NEB: variants seen among roughly 807,000 people sequenced by gnomAD.
NEB encodes nemaline myopathy type 2.
NEB carries 512 observed loss-of-function variants against 952.2 expected under a neutral mutation model. The ratio of observed to expected loss-of-function variants is 0.54; its 90% confidence interval spans 0.50 to 0.58. The LOEUF (loss-of-function observed/expected upper bound fraction) is 0.58. Ranked by LOEUF, NEB falls within the 20% of genes least tolerant of loss-of-function variation. The pLI is 0.00. For synonymous variants in NEB, 2,900 were observed against 3,149.8 expected, an observed-to-expected ratio of 0.92 and a Z score of 2.66; for missense variants, 8,428 against 9,231.1, an observed-to-expected ratio of 0.91 and a Z score of 3.56.
intron 54 of NEB, 44 bp from the exon 55 acceptor site, chr2:151,646,278 G>A (rs777321379): frequency 1.5e-6 from 2 of 1,371,028 alleles, no homozygotes; most frequent in Non-Finnish European, 2.0e-6. Context: ...TGTTAGATTA[G>A]TGAATGATAC....
At chr2:151,608,953 T>C (rs1280439159) in intron 81 of NEB, among the ~76,000 whole-genome samples, 1 of 97,810 alleles carries the variant, frequency 1.0e-5, no homozygotes, top group African/African-American at 3.6e-5. Context: ...CAACATTTAA[T>C]GAAAAAATTG....
chr2:151,576,508 ATATATATATTTTTTTTTTTTTTTTTT>A (rs1168093937), intron 105 of NEB, among the ~76,000 whole-genome samples, 154 bp from the exon 106 acceptor site: 48 of 49,984 alleles, frequency 9.6e-4, no homozygotes, highest in East Asian at 5.6e-3. Context: ...ATATATATAT[ATATATATATTTTTTTTTTTTTTTTTT>A]TTTTTTTTTT....
rs542407202 is a variant in NEB, at chr2:151,665,950, G to A, written c.5031+140C>T. 450 of 837,286 alleles carry A rather than the reference G, an allele frequency of 5.4e-4. 3 individuals carry two copies. Among genetic ancestry groups the A allele is most frequent in the African/African-American group, 2.8e-3 (166 of 58,618 alleles). 51.9% of individuals were successfully genotyped at this position (837,286 alleles called of 1,614,324 possible). Reference sequence around the variant, plus strand: ...CAACAAAGCCACCTATAGTTCAAATGAGTGAAATCCTAAAACTCTGAGTTC... The same window carrying A: ...CAACAAAGCCACCTATAGTTCAAATAAGTGAAATCCTAAAACTCTGAGTTC... On this transcript the variant is annotated intron_variant, in intron 41 of 181. Transcript: ENST00000397345.
At chr2:151,519,972 C>A in intron 153 of NEB, 1 of 416,212 alleles carries the variant, frequency 2.4e-6, no homozygotes, top group Non-Finnish European at 4.3e-6. Context: ...AATATATGAT[C>A]ACTGGCCTTG....
chr2:151,571,791 T>C (rs2153777808), intron 107 of NEB, among the ~76,000 whole-genome samples: 1 of 152,350 alleles, frequency 6.6e-6, no homozygotes, highest in Middle Eastern at 3.4e-3. Flanking sequence ...AACATATAAT[T>C]CACAAATCAT....
chr2:151,717,106 T>A (rs1170859857), intron 10 of NEB, among the ~76,000 whole-genome samples: 2 of 152,258 alleles, frequency 1.3e-5, no homozygotes, highest in South Asian at 4.1e-4. Flanking sequence ...GTGTGGTTAT[T>A]TGGTGACTCT....
At chr2:151,574,320 T>G (rs983744412) in intron 107 of NEB, among the ~76,000 whole-genome samples, 17 of 152,234 alleles carry the variant, frequency 1.1e-4, no homozygotes, top group Non-Finnish European at 2.2e-4. Context: ...AGAATCTCAC[T>G]CACTTAGCCA....
chr2:151,713,015 A>G (rs1167994969), intron 10 of NEB, among the ~76,000 whole-genome samples: 2 of 152,052 alleles, frequency 1.3e-5, no homozygotes, highest in African/African-American at 4.8e-5. Flanking sequence ...TTAACAGAGG[A>G]ATGTATGTCA....
At chr2:151,500,829 G>A (rs2063911725) in intron 168 of NEB, among the ~76,000 whole-genome samples, 1 of 151,940 alleles carries the variant, frequency 6.6e-6, no homozygotes, top group Non-Finnish European at 1.5e-5. Context: ...GACCTCCTGG[G>A]CTCAAGTGAT....
intron 151 of NEB, among the ~76,000 whole-genome samples, chr2:151,524,958 G>A (rs1024775994): frequency 2.0e-5 from 3 of 151,892 alleles, no homozygotes; most frequent in Admixed American, 1.3e-4. Context: ...GAGCCACCAC[G>A]CCCAGCCGAG....
rs2099795533 is a variant in NEB, at chr2:151,727,755, T to C, written c.230A>G (p.Asp77Gly). The C allele has an allele frequency of 6.2e-7, 1 of 1,613,734 alleles. No homozygotes were observed. The highest frequency in any genetic ancestry group is 1.7e-5 in the Admixed American group (1 of 59,924). Residue 77 changes from aspartate to glycine, a missense_variant, in exon 5 of 182, where the codon GAT becomes GGT. Physicochemically the swap from Asp to Gly is moderately conservative, Grantham distance 94. Coordinates refer to ENST00000397345, the MANE Select transcript of NEB (RefSeq NM_001164508.2). ...ERRKVIRKKVDPSKFMTPYIA... is the reference protein window; with the variant it reads ...ERRKVIRKKVGPSKFMTPYIA... Reference sequence around the variant, plus strand: ...GTAGGGGGTCATGAACTTTGAAGGATCCACTTTCTTCCGGATGACCTTCCT... The same window carrying C: ...GTAGGGGGTCATGAACTTTGAAGGACCCACTTTCTTCCGGATGACCTTCCT...
At chr2:151,538,406 A>C (rs2093549448) in intron 138 of NEB, among the ~76,000 whole-genome samples, 162 bp from the exon 139 acceptor site, 2 of 152,196 alleles carry the variant, frequency 1.3e-5, no homozygotes, top group Non-Finnish European at 2.9e-5. Context: ...AAAGAACACT[A>C]GGGAAAACTA....
intron 32 of NEB, among the ~76,000 whole-genome samples, chr2:151,678,716 G>C (rs759686270): frequency 6.6e-6 from 1 of 152,132 alleles, no homozygotes; most frequent in Non-Finnish European, 1.5e-5. Flanking sequence ...AACAAAGTGA[G>C]GGGGACTGAG....
chr2:151,538,216 G>C lies in NEB; in HGVS notation c.20921C>G (p.Thr6974Ser). The C allele has an allele frequency of 6.2e-7, 1 of 1,612,902 alleles. No homozygotes were observed. The highest frequency in any genetic ancestry group is 8.5e-7 in the Non-Finnish European group (1 of 1,179,106). Residue 6974 changes from threonine (T) to serine (S), a missense_variant, in exon 139 of 182, where the codon ACC (threonine) becomes AGC (serine). By Grantham distance (58) the Thr-to-Ser change is moderately conservative (BLOSUM62 1). Around this residue, in one of 11 missense-constraint regions of NEB, gnomAD observed 3,374 missense variants for 3,651.5 expected, o/e 0.92. Coordinates refer to ENST00000397345, the MANE Select transcript of NEB (RefSeq NM_001164508.2). ...TTTCACCGTGTGGTATTTCCCTTTG[G>C]TCTTTTGAAATGTTTCTTTGTAGCG... ...DLRYKETFQK[T>S]KGKYHTVKDA... is the part of the protein sequence containing the mutation.
At chr2:151,675,110 G>T (rs2099348978) in intron 35 of NEB, among the ~76,000 whole-genome samples, 177 bp downstream of exon 35, 1 of 152,142 alleles carries the variant, frequency 6.6e-6, no homozygotes, top group Admixed American at 6.5e-5. Context: ...CTTTAAAATT[G>T]TCCTACATTT....
At chr2:151,676,349 T>C (rs929062785) in intron 34 of NEB, among the ~76,000 whole-genome samples, 1 of 152,222 alleles carries the variant, frequency 6.6e-6, no homozygotes, top group Non-Finnish European at 1.5e-5. Flanking sequence ...TCAGTCCAAT[T>C]AAGCCTTCCT....
At chr2:151,564,174 A>G (rs1412974029) in intron 117 of NEB, among the ~76,000 whole-genome samples, 1 of 151,558 alleles carries the variant, frequency 6.6e-6, no homozygotes, top group Non-Finnish European at 1.5e-5. Context: ...ATGTTTTTTG[A>G]GACAGAATCT....
rs1012626849 is a variant in NEB, at chr2:151,725,579, A to G, written c.295-19T>C. On this transcript the variant is annotated intron_variant, in intron 5 of 181. Coordinates refer to ENST00000397345, the MANE Select transcript of NEB (RefSeq NM_001164508.2). The stretch of plus-strand genomic sequence containing the variant: ...ATTTATTCTGAAAAGAATATCAGAT[A>G]TTAGCCTAACAAGACAGCAGTGAAA... 5.0e-6 allele frequency: 8 copies of G among 1,596,946 alleles called. No individual in the cohort carries two copies. Among genetic ancestry groups the G allele is most frequent in the South Asian group, 1.1e-5 (1 of 90,674 alleles).
chr2:151,683,976 T>G (rs79717294), intron 28 of NEB, among the ~76,000 whole-genome samples: 2,008 of 152,172 alleles, frequency 0.013, 40 homozygotes, highest in African/African-American at 0.046. Context: ...AAGAGACAAA[T>G]ACTGTATGAC....
Sources: gnomAD v4.1 joint callset for allele counts (sites outside exome capture counted in the v4.1 genomes callset) on GRCh38, gnomAD v4.1.1 for gene constraint, gnomAD v4.1.1 regional missense constraint, MANE v1.5 for transcripts, NCBI Gene and HGNC (gene_info 2026-07-23, HGNC 2026-07-21) for gene names.